PALM2AKAP2: variants seen among roughly 807,000 people sequenced by gnomAD.
PALM2AKAP2 encodes PALM2-AKAP2 fusion protein.
In PALM2AKAP2, 37 loss-of-function variants were observed where a neutral mutation model predicts 71.5. The ratio of observed to expected loss-of-function variants is 0.52; its 90% confidence interval spans 0.40 to 0.68. The LOEUF (loss-of-function observed/expected upper bound fraction) is 0.68. PALM2AKAP2 is among the 30% of genes least tolerant of loss of function. The pLI is 0.00. For synonymous variants in PALM2AKAP2, 468 were observed against 478.8 expected (o/e 0.98, Z 0.29); for missense variants, 1,224 against 1,191.8 (o/e 1.03, Z -0.40).
At chr9:109,789,736 A>C (rs542692564) in intron 1 of PALM2AKAP2, among the ~76,000 whole-genome samples, 1 of 152,294 alleles carries the variant, frequency 6.6e-6, no homozygotes, top group South Asian at 2.1e-4. Context: ...AGAAGACCAC[A>C]CAGCTGAGAT....
intron 1 of PALM2AKAP2, among the ~76,000 whole-genome samples, chr9:110,074,360 G>C (rs1368705405): frequency 6.6e-6 from 1 of 152,116 alleles, no homozygotes. Context: ...GACAAGGAAA[G>C]ACTAAGAAAG....
intron 2 of PALM2AKAP2, among the ~76,000 whole-genome samples, chr9:110,142,336 G>A (rs10980219): frequency 0.074 from 11,189 of 152,018 alleles, 562 homozygotes; most frequent in East Asian, 0.17. Flanking sequence ...CAGGTGATCC[G>A]CCCGCCTTGG....
At chr9:109,645,602 C>T (rs1420064498) in intron 1 of PALM2AKAP2, among the ~76,000 whole-genome samples, 1 of 150,502 alleles carries the variant, frequency 6.6e-6, no homozygotes, top group Non-Finnish European at 1.5e-5. Context: ...TCCTTTACAG[C>T]AATGTGGATG....
intron 1 of PALM2AKAP2, among the ~76,000 whole-genome samples, chr9:110,099,653 G>A (rs1834944825): frequency 6.6e-6 from 1 of 152,176 alleles, no homozygotes; most frequent in Admixed American, 6.5e-5. Flanking sequence ...TTGTAGCAAA[G>A]TCTATTATGA....
At chr9:109,826,503 A>G (rs1274036690) in intron 1 of PALM2AKAP2, among the ~76,000 whole-genome samples, 1 of 152,090 alleles carries the variant, frequency 6.6e-6, no homozygotes, top group Non-Finnish European at 1.5e-5. Flanking sequence ...GGATTCTTGG[A>G]CCCCTCAAGA....
At chr9:110,079,378 C>A (rs553687269) in intron 1 of PALM2AKAP2, among the ~76,000 whole-genome samples, 3 of 152,248 alleles carry the variant, frequency 2.0e-5, no homozygotes, top group African/African-American at 7.2e-5. Flanking sequence ...TGCCTGTAAT[C>A]CCAGCTACTC....
At chr9:109,847,099 G>C (rs912298377) in intron 1 of PALM2AKAP2, among the ~76,000 whole-genome samples, 2 of 151,932 alleles carry the variant, frequency 1.3e-5, no homozygotes, top group African/African-American at 4.8e-5. Context: ...AAATCCCTGG[G>C]ACCTATGTGT....
At chr9:109,698,857 G>C (rs1828012106) in intron 1 of PALM2AKAP2, among the ~76,000 whole-genome samples, 1 of 152,188 alleles carries the variant, frequency 6.6e-6, no homozygotes, top group Non-Finnish European at 1.5e-5. Context: ...CTAGCCTTGA[G>C]GGGTAGAGAC....
At chr9:109,699,317 G>C (rs975224971) in intron 1 of PALM2AKAP2, among the ~76,000 whole-genome samples, 4 of 152,184 alleles carry the variant, frequency 2.6e-5, no homozygotes, top group African/African-American at 7.2e-5. Flanking sequence ...CTGTCTGGTG[G>C]ACAATCAGGC....
rs142192327 is a variant in PALM2AKAP2 at position 110,061,575 on chromosome 9, C to T, written c.156+12720C>T. Among the ~76,000 whole-genome samples the T allele has an allele frequency of 6.0e-3, 904 of 149,966 alleles. 7 individuals carry two copies. Among genetic ancestry groups the T allele is most frequent in the Middle Eastern group, 0.025 (7 of 282 alleles). On this transcript the variant is annotated intron_variant, in intron 1 of 3. Coordinates refer to ENST00000374525, the Ensembl canonical transcript of PALM2AKAP2. ...TATGTGGATTGTCATATTTAACCCC[C>T]GTAACAACCTTTGATAGAGATACCA...
At chr9:109,812,759 A>G (rs963659669) in intron 1 of PALM2AKAP2, among the ~76,000 whole-genome samples, 7 of 152,084 alleles carry the variant, frequency 4.6e-5, no homozygotes, top group Non-Finnish European at 8.8e-5. Flanking sequence ...TTAGTGTCAT[A>G]AGGTGGCATG....
At chr9:109,918,654 CTGT>C (rs1302226587) in intron 3 of PALM2AKAP2, among the ~76,000 whole-genome samples, 1 of 152,246 alleles carries the variant, frequency 6.6e-6, no homozygotes, top group Non-Finnish European at 1.5e-5. Context: ...GCTGGGATGA[CTGT>C]TGTTAACCCC....
chr9:109,715,367 T>G (rs953284807), intron 1 of PALM2AKAP2, among the ~76,000 whole-genome samples: 2 of 152,176 alleles, frequency 1.3e-5, no homozygotes, highest in Non-Finnish European at 2.9e-5. Context: ...GACTTGACAT[T>G]GAATTATTCA....
At chr9:109,682,954 T>C (rs1312022326) in intron 1 of PALM2AKAP2, among the ~76,000 whole-genome samples, 1 of 152,160 alleles carries the variant, frequency 6.6e-6, no homozygotes, top group African/African-American at 2.4e-5. Flanking sequence ...AGGTAGGACC[T>C]GGTAGGAGGT....
intron 1 of PALM2AKAP2, among the ~76,000 whole-genome samples, chr9:109,650,138 C>T (rs929440350): frequency 1.3e-5 from 2 of 152,108 alleles, no homozygotes; most frequent in African/African-American, 4.8e-5. Flanking sequence ...ATCGGTGTCA[C>T]TTTCTCCATC....
chr9:109,656,079 T>C (rs1268763118), intron 1 of PALM2AKAP2, among the ~76,000 whole-genome samples: 1 of 152,122 alleles, frequency 6.6e-6, no homozygotes, highest in Non-Finnish European at 1.5e-5. Context: ...TAGATACCAA[T>C]AAAATCCTAC....
At position 109,826,486 on chromosome 9, in the gene PALM2AKAP2, C is replaced by T. The variant is rs2087693647; in HGVS notation, c.46-41005C>T. 2.0e-5 allele frequency among the ~76,000 whole-genome samples: 3 copies of T among 152,106 alleles called. No individual in the cohort carries two copies. In the South Asian group the frequency reaches 6.2e-4, roughly 32 times the overall value. On this transcript the variant is annotated intron_variant, in intron 1 of 9. Coordinates refer to the PALM2AKAP2 transcript ENST00000302798. Reference sequence around the variant, plus strand: ...GCAGCTGAAGTGTTTGATGGTGATTCTCAAAGGGATTCTTGGACCCCTCAA... The same window carrying T: ...GCAGCTGAAGTGTTTGATGGTGATTTTCAAAGGGATTCTTGGACCCCTCAA...
intron 1 of PALM2AKAP2, among the ~76,000 whole-genome samples, chr9:109,728,090 C>T (rs566072227): frequency 4.6e-5 from 7 of 152,336 alleles, no homozygotes; most frequent in Admixed American, 2.0e-4. Flanking sequence ...TAAGCTGAAG[C>T]TTCTTGAGAA....
intron 6 of PALM2AKAP2, among the ~76,000 whole-genome samples, chr9:109,965,026 T>C (rs1389130499): frequency 1.3e-5 from 2 of 152,204 alleles, no homozygotes; most frequent in East Asian, 3.8e-4. Context: ...GAACCTTGAA[T>C]TATGGAATCC....
Sources: allele counts gnomAD v4.1 joint callset (sites outside exome capture counted in the v4.1 genomes callset), GRCh38; gene constraint gnomAD v4.1.1; transcripts MANE v1.5; gene names NCBI Gene and HGNC (gene_info 2026-07-23, HGNC 2026-07-21).